Variants in ANKK1 observed in about 807,000 individuals in gnomAD.
ANKK1 encodes the protein ankyrin repeat and kinase domain containing 1.
In ANKK1, 37 loss-of-function variants were observed where a neutral mutation model predicts 37.6. That is an observed-to-expected ratio of 0.98 (90% CI 0.76 to 1.29). The LOEUF (loss-of-function observed/expected upper bound fraction) is 1.29. Among genes scored for constraint, ANKK1 ranks in the 50% most tolerant of loss-of-function variants. The pLI is 0.00. For synonymous variants in ANKK1, 415 were observed against 418.7 expected (o/e 0.99, Z 0.11); for missense variants, 1,019 against 990.6 (o/e 1.03, Z -0.39).
chr11:113,395,937 C>A, intron 4 of ANKK1, 130 bp from the exon 5 acceptor site: 1 of 1,056,734 alleles, frequency 9.5e-7, no homozygotes, highest in Admixed American at 2.4e-5. Flanking sequence ...TAGCTGTTTA[C>A]TCACCAAGCA....
In ANKK1 at chr11:113,393,487, T is replaced by A; in HGVS notation, c.192T>A (p.Asp64Glu). The A allele has an allele frequency of 6.2e-7, 1 of 1,612,438 alleles. No homozygotes were observed. Among genetic ancestry groups the A allele is most frequent in the Non-Finnish European group, 8.5e-7 (1 of 1,178,836 alleles). The change falls in exon 2 of 8, where the codon GAT becomes GAA. Residue 64 changes from aspartate (D) to glutamate (E), a missense_variant. Asp to Glu is a conservative substitution (Grantham distance 45, BLOSUM62 2). Transcript: ENST00000303941. ...TTGCTCCCCCTCTCCATAGCTCTGA[T>A]GTGAATTACCTCATTGAAGAAGCTG... is the stretch of plus-strand genomic sequence containing the variant. ...PCLPPDAASS[D>E]VNYLIEEAAK...
Position 113,399,860 on chromosome 11 carries a change from C to T in ANKK1, c.1891C>T (p.His631Tyr). ...TGGAGCTGTGAACTGGACTCCCCTGCACCTAGCTGCACGCCACGGGGAGGA... is the reference window on the plus strand; with the variant it reads ...TGGAGCTGTGAACTGGACTCCCCTGTACCTAGCTGCACGCCACGGGGAGGA... ...ALGAVNWTPL[H>Y]LAARHGEEAV... The change falls in exon 8 of 8, where the codon CAC (histidine) becomes TAC (tyrosine). Residue 631 changes from histidine (H) to tyrosine (Y), a missense_variant. Coordinates refer to ENST00000303941, the MANE Select transcript of ANKK1 (RefSeq NM_178510.2). The T allele has an allele frequency of 6.2e-7, 1 of 1,612,514 alleles. No individual in the cohort carries two copies. Among genetic ancestry groups the T allele is most frequent in the Non-Finnish European group, 8.5e-7 (1 of 1,179,528 alleles).
At position 113,393,471 on chromosome 11, in the gene ANKK1, C is replaced by A. The variant is rs746286015; in HGVS notation, c.186-10C>A. The A allele has an allele frequency of 1.2e-6, 2 of 1,603,864 alleles. No homozygotes were observed. The highest frequency in any genetic ancestry group is 1.1e-5 in the South Asian group (1 of 89,814). ...CACCCCCTTCCATATCTTGCTCCCC[C>A]TCTCCATAGCTCTGATGTGAATTAC... On this transcript the variant is annotated splice_polypyrimidine_tract_variant and intron_variant, in intron 1 of 7. Transcript: ENST00000303941.
intron 2 of ANKK1, 44 bp downstream of exon 2, chr11:113,393,819 T>C (rs1950612983): frequency 1.3e-6 from 2 of 1,539,964 alleles, no homozygotes; most frequent in Non-Finnish European, 1.7e-6. Flanking sequence ...ACTTGAGGGT[T>C]GCCTCCAGGT....
At chr11:113,390,385 T>A (rs889116811) in intron 1 of ANKK1, among the ~76,000 whole-genome samples, 2 of 152,012 alleles carry the variant, frequency 1.3e-5, no homozygotes, top group Non-Finnish European at 2.9e-5. Context: ...GACATCAGAG[T>A]AAAGGTTGGT....
chr11:113,396,338 A>G, intron 5 of ANKK1, 116 bp downstream of exon 5: 1 of 1,263,862 alleles, frequency 7.9e-7, no homozygotes, highest in Non-Finnish European at 1.1e-6. Flanking sequence ...ACGGCCTAGA[A>G]GGACTTTTTT....
rs1486498303 is a variant in ANKK1, at chr11:113,399,191, C to T, written c.1222C>T (p.Pro408Ser). The T allele has an allele frequency of 6.2e-7, 1 of 1,601,702 alleles. No homozygotes were observed. The highest frequency in any genetic ancestry group is 1.7e-5 in the Admixed American group (1 of 58,508). Residue 408 changes from proline (P) to serine (S), a missense_variant, in exon 8 of 8, where the codon CCC (proline) becomes TCC (serine). Physicochemically the swap from Pro to Ser is moderately conservative, Grantham distance 74 (BLOSUM62 -1). Coordinates refer to ENST00000303941, the MANE Select transcript of ANKK1 (RefSeq NM_178510.2). The stretch of plus-strand genomic sequence containing the variant: ...CCTGATCGCCGCCCAGGACCAGCAA[C>T]CCGACCTCTGTGCCCTGCTTTTGGC... ...PLLIAAQDQQPDLCALLLAHG... is the reference protein window; with the variant it reads ...PLLIAAQDQQSDLCALLLAHG...
chr11:113,388,117 C>A, intron 1 of ANKK1, 48 bp downstream of exon 1: 1 of 1,435,550 alleles, frequency 7.0e-7, no homozygotes, highest in East Asian at 2.6e-5. Context: ...AACTGAGGCC[C>A]GGCAAGCTTT....
chr11:113,399,014 T>C lies in ANKK1; in HGVS notation c.1045T>C (p.Leu349=), dbSNP rs781630961. 6.2e-7 allele frequency: 1 copy of C among 1,600,232 alleles called. No homozygotes were observed. Among genetic ancestry groups the C allele is most frequent in the African/African-American group, 1.3e-5 (1 of 74,654 alleles). Residue 349 remains leucine, a synonymous_variant, in exon 8 of 8, where the codon TTG becomes CTG. Transcript: ENST00000303941. ...CCTTCAGCTCTCCGACCGTAAGAATTTGGTCCCGAGAGATGAGGAACTGTG... is the reference window on the plus strand; with the variant it reads ...CCTTCAGCTCTCCGACCGTAAGAATCTGGTCCCGAGAGATGAGGAACTGTG... ...RALQLSDRKN[L]VPRDEELCIY... is the part of the protein sequence containing the mutation.
intron 6 of ANKK1, 76 bp from the exon 7 acceptor site, chr11:113,397,904 G>T: frequency 6.7e-7 from 1 of 1,486,234 alleles, no homozygotes; most frequent in South Asian, 1.2e-5. Flanking sequence ...GTTGGAGAGA[G>T]GGAAGGAGGG....
intron 3 of ANKK1, 134 bp from the exon 4 acceptor site, chr11:113,395,225 G>A (rs971217194): frequency 1.2e-5 from 18 of 1,488,324 alleles, no homozygotes; most frequent in African/African-American, 4.2e-5. Flanking sequence ...AGAGGCAGAG[G>A]GCTGGGGAGT....
At position 113,399,071 on chromosome 11, in the gene ANKK1, T is replaced by A; in HGVS notation, c.1102T>A (p.Phe368Ile). The change falls in exon 8 of 8, where the codon TTC (phenylalanine) becomes ATC (isoleucine). Residue 368 changes from phenylalanine to isoleucine, a missense_variant. By Grantham distance (21) the Phe-to-Ile change is conservative. Transcript: ENST00000303941. ...TGAGAACAAGGTCACCCCCCTCCAC[T>A]TCCTGGTGGCCCAGGGCAGTGTGGA... ...IYENKVTPLH[F>I]LVAQGSVEQV... The A allele has an allele frequency of 6.2e-7, 1 of 1,602,188 alleles. No individual in the cohort carries two copies. Among genetic ancestry groups the A allele is most frequent in the Non-Finnish European group, 8.5e-7 (1 of 1,174,462 alleles).
In ANKK1 at chr11:113,387,832, A is replaced by T. The variant is rs369673907; in HGVS notation, c.-53A>T. 1.9e-5 allele frequency: 27 copies of T among 1,437,314 alleles called. No homozygotes were observed. In the African/African-American group the frequency reaches 3.3e-4, roughly 18 times the overall value. The allele number at this position is 1,437,314 out of a possible 1,614,324, so 89.0% of individuals were successfully genotyped here. On this transcript the variant is annotated 5_prime_UTR_variant, in exon 1 of 8. Transcript: ENST00000303941. ...GAAGCGGCGGCTCCTTCGGCCACCC[A>T]GGCAGCAGCCACAGCGGGGAGTGCG...
intron 6 of ANKK1, among the ~76,000 whole-genome samples, chr11:113,397,698 G>T (rs1950650585): frequency 1.3e-5 from 2 of 152,120 alleles, no homozygotes; most frequent in Non-Finnish European, 2.9e-5. Context: ...GAGTTAACAT[G>T]GGGCTCCCCC....
chr11:113,389,072 T>G (rs570470666), intron 1 of ANKK1, among the ~76,000 whole-genome samples: 2 of 152,196 alleles, frequency 1.3e-5, no homozygotes, highest in East Asian at 3.9e-4. Context: ...AGAGGAAAAA[T>G]AAGATCGCCT....
intron 1 of ANKK1, among the ~76,000 whole-genome samples, chr11:113,393,039 T>C (rs1010815857): frequency 6.6e-6 from 1 of 152,234 alleles, no homozygotes; most frequent in Non-Finnish European, 1.5e-5. Flanking sequence ...TATAGCTCTC[T>C]ATATTCCCTA....
chr11:113,396,247 A>AGGGACTGGGAGCTGGGT, intron 5 of ANKK1, 25 bp downstream of exon 5: 1 of 1,608,760 alleles, frequency 6.2e-7, no homozygotes, highest in Non-Finnish European at 8.5e-7. Flanking sequence ...CCCCCTACCC[A>AGGGACTGGGAGCTGGGT]GGGACTGGGA....
At position 113,398,950 on chromosome 11, in the gene ANKK1, C is replaced by A. The variant is rs1265695376; in HGVS notation, c.995-14C>A. The A allele has an allele frequency of 1.3e-6, 2 of 1,553,530 alleles. No individual in the cohort carries two copies. The highest frequency in any genetic ancestry group is 3.9e-5 in the Admixed American group (2 of 51,638). ...CACAGGTCTTTTTTTTCAACCCCAT[C>A]TTTCTCCCAGCAGACTCAGGAAACT... On this transcript the variant is annotated splice_polypyrimidine_tract_variant and intron_variant, in intron 7 of 7. Transcript: ENST00000303941.
Position 113,399,345 on chromosome 11 carries a change from G to T in ANKK1, c.1376G>T (p.Arg459Leu). The change falls in exon 8 of 8, where the codon CGT (arginine) becomes CTT (leucine). Residue 459 changes from arginine (R) to leucine (L), a missense_variant. Transcript: ENST00000303941. The part of the protein sequence containing the change: ...DHGACVDAQE[R>L]EGWTPLHLAA... ...GGGGCCTGTGTGGATGCCCAGGAAC[G>T]TGAAGGGTGGACCCCTCTTCACCTG... 1 of 1,600,322 alleles carries T rather than the reference G, an allele frequency of 6.2e-7. No homozygotes were observed. The highest frequency in any genetic ancestry group is 1.7e-4 in the Middle Eastern group (1 of 6,048).
Sources: allele counts gnomAD v4.1 joint callset (sites outside exome capture counted in the v4.1 genomes callset), GRCh38; gene constraint gnomAD v4.1.1; transcripts MANE v1.5; gene names NCBI Gene and HGNC (gene_info 2026-07-23, HGNC 2026-07-21).